Variants in SLC10A7 observed in about 807,000 individuals in gnomAD.
The protein encoded by SLC10A7 is solute carrier family 10 member 7.
A neutral mutation model predicts 43.2 loss-of-function variants in SLC10A7; 29 were observed. The ratio of observed to expected loss-of-function variants is 0.67; its 90% CI spans 0.50 to 0.92. The LOEUF is 0.92. SLC10A7 is among the 40% of genes least tolerant of loss of function. SLC10A7 has a pLI of 0.00. For missense variants in SLC10A7, 295 were observed against 403.2 expected, an observed-to-expected ratio of 0.73 and a Z score of 2.30; for synonymous variants, 152 against 144.8, an observed-to-expected ratio of 1.05 and a Z score of -0.35.
At chr4:146,323,768 A>G (rs2149704518) in intron 6 of SLC10A7, among the ~76,000 whole-genome samples, 1 of 152,268 alleles carries the variant, frequency 6.6e-6, no homozygotes, top group Middle Eastern at 3.4e-3. Context: ...GGCACAAGAC[A>G]GGGATGCCCT....
chr4:146,472,402 T>C (rs994690092), intron 4 of SLC10A7, among the ~76,000 whole-genome samples: 2 of 151,922 alleles, frequency 1.3e-5, no homozygotes, highest in Admixed American at 1.3e-4. Flanking sequence ...ACAGATTTCC[T>C]TCTCTCATTT....
chr4:146,280,283 A>T (rs1729465741), intron 10 of SLC10A7, among the ~76,000 whole-genome samples: 2 of 152,198 alleles, frequency 1.3e-5, no homozygotes, highest in South Asian at 4.1e-4. Flanking sequence ...ATAATCTGTT[A>T]TATTTCATCT....
At chr4:146,499,315 A>G (rs935956582) in intron 4 of SLC10A7, among the ~76,000 whole-genome samples, 1 of 152,206 alleles carries the variant, frequency 6.6e-6, no homozygotes. Flanking sequence ...CATGCAAGGC[A>G]GAGCAGAGAA....
chr4:146,352,735 C>T (rs2149747419), intron 5 of SLC10A7, among the ~76,000 whole-genome samples: 1 of 116,490 alleles, frequency 8.6e-6, no homozygotes, highest in African/African-American at 3.4e-5. Context: ...AAGAATCTCA[C>T]TCAAAGCCGC....
intron 4 of SLC10A7, among the ~76,000 whole-genome samples, chr4:146,475,575 G>A (rs571445665): frequency 2.6e-5 from 4 of 152,232 alleles, no homozygotes; most frequent in Admixed American, 6.5e-5. Flanking sequence ...CATTTGCCAA[G>A]ATCTAATACT....
chr4:146,297,105 C>T (rs1454099579), intron 7 of SLC10A7, among the ~76,000 whole-genome samples: 1 of 152,128 alleles, frequency 6.6e-6, no homozygotes. Flanking sequence ...GGTGAGGTGG[C>T]CAGTTCTATC....
At chr4:146,499,221 C>T (rs1736185620) in intron 4 of SLC10A7, among the ~76,000 whole-genome samples, 3 of 152,144 alleles carry the variant, frequency 2.0e-5, no homozygotes, top group Non-Finnish European at 4.4e-5. Flanking sequence ...CCATCAAGAA[C>T]ATTTTGCAAG....
At chr4:146,430,579 C>T (rs1441594883) in intron 5 of SLC10A7, among the ~76,000 whole-genome samples, 1 of 152,126 alleles carries the variant, frequency 6.6e-6, no homozygotes, top group East Asian at 1.9e-4. Context: ...TGTACACCAA[C>T]TACTGTTATA....
At chr4:146,261,125 C>G (rs6537408) in intron 10 of SLC10A7, among the ~76,000 whole-genome samples, 3,322 of 152,324 alleles carry the variant, frequency 0.022, 109 homozygotes, top group African/African-American at 0.076. Flanking sequence ...ACACCCTTCT[C>G]TCCACTGCTC....
intron 5 of SLC10A7, among the ~76,000 whole-genome samples, chr4:146,390,798 C>T (rs142840139): frequency 6.6e-6 from 1 of 152,166 alleles, no homozygotes; most frequent in Admixed American, 6.5e-5. Context: ...TGGGTTTAAA[C>T]TTGCCTGCAT....
At chr4:146,286,313 A>G (rs988029749) in intron 9 of SLC10A7, among the ~76,000 whole-genome samples, 22 of 150,550 alleles carry the variant, frequency 1.5e-4, no homozygotes, top group South Asian at 6.5e-4. Flanking sequence ...GAGTGGTGAG[A>G]AGGACTGTGT....
chr4:146,383,338 G>T (rs1737765444), intron 5 of SLC10A7, among the ~76,000 whole-genome samples: 1 of 152,102 alleles, frequency 6.6e-6, no homozygotes, highest in Non-Finnish European at 1.5e-5. Context: ...AAATCAAAGG[G>T]GGAAAACCGC....
At chr4:146,466,789 A>G (rs1192594899) in intron 4 of SLC10A7, among the ~76,000 whole-genome samples, 2 of 152,176 alleles carry the variant, frequency 1.3e-5, no homozygotes, top group Non-Finnish European at 2.9e-5. Context: ...GGTTGAGAGA[A>G]ATAAATTAAA....
At chr4:146,283,507 C>T (rs1307330064) in intron 9 of SLC10A7, among the ~76,000 whole-genome samples, 3 of 152,024 alleles carry the variant, frequency 2.0e-5, no homozygotes, top group African/African-American at 7.2e-5. Context: ...CCTAAGATCA[C>T]GTATATAATC....
chr4:146,521,142 C>T (rs1738596174), intron 1 of SLC10A7, among the ~76,000 whole-genome samples: 1 of 152,076 alleles, frequency 6.6e-6, no homozygotes, highest in African/African-American at 2.4e-5. Context: ...AATCATCACT[C>T]TCCAACATGT....
At chr4:146,421,623 T>G (rs370173200) in intron 5 of SLC10A7, among the ~76,000 whole-genome samples, 4 of 152,202 alleles carry the variant, frequency 2.6e-5, no homozygotes, top group African/African-American at 7.2e-5. Context: ...CTCCAGTAAA[T>G]GCCCCTCTTT....
intron 5 of SLC10A7, among the ~76,000 whole-genome samples, chr4:146,406,006 G>GCATA (rs1189279700): frequency 1.3e-5 from 2 of 152,116 alleles, no homozygotes. Flanking sequence ...TAAAGCATTT[G>GCATA]CATAGCAAAG....
chr4:146,502,024 A>C (rs1265569853), intron 4 of SLC10A7, among the ~76,000 whole-genome samples: 1 of 152,246 alleles, frequency 6.6e-6, no homozygotes, highest in East Asian at 1.9e-4. Flanking sequence ...AGATATATCC[A>C]GAATATATAG....
chr4:146,516,894 T>C, intron 2 of SLC10A7, 144 bp downstream of exon 2: 1 of 590,658 alleles, frequency 1.7e-6, no homozygotes, highest in Non-Finnish European at 2.9e-6. Context: ...GAAACACAAG[T>C]CCTTTGCCGA....
Sources: gnomAD v4.1 joint callset for allele counts (sites outside exome capture counted in the v4.1 genomes callset) on GRCh38, gnomAD v4.1.1 for gene constraint, MANE v1.5 for transcripts, NCBI Gene and HGNC (gene_info 2026-07-23, HGNC 2026-07-21) for gene names.